The following RASEF variants were observed in gnomAD, a reference collection of about 807,000 sequenced individuals.
RASEF encodes RAS and EF-hand domain containing.
In RASEF, 68 loss-of-function variants were observed where a neutral mutation model predicts 90.1. The ratio of observed to expected loss-of-function variants is 0.75; its 90% CI spans 0.62 to 0.92. The LOEUF is 0.92. Ranked by LOEUF, RASEF falls within the 40% of genes least tolerant of loss-of-function variation. RASEF has a pLI of 0.00. For synonymous variants in RASEF, 331 were observed against 345.2 expected (o/e 0.96, Z 0.46); for missense variants, 949 against 937.2 (o/e 1.01, Z -0.16).
At chr9:83,142,901 C>T in the RASEF span, among the ~76,000 whole-genome samples, 3 of 151,538 alleles carry the variant, frequency 2.0e-5, no homozygotes, top group Non-Finnish European at 4.4e-5. Flanking sequence ...AATTATAAAA[C>T]AGAACAAGAT....
At chr9:83,181,469 T>G in the RASEF span, among the ~76,000 whole-genome samples, 1 of 152,194 alleles carries the variant, frequency 6.6e-6, no homozygotes, top group Non-Finnish European at 1.5e-5. Context: ...CTAAGAGTCA[T>G]GGGATGCGAT....
chr9:83,175,327 C>A, the RASEF span, among the ~76,000 whole-genome samples: 1 of 152,066 alleles, frequency 6.6e-6, no homozygotes, highest in African/African-American at 2.4e-5. Flanking sequence ...TGTCATTGGA[C>A]TTTATCAGTT....
intron 3 of RASEF, among the ~76,000 whole-genome samples, chr9:83,018,565 C>CT (rs1006170126): frequency 2.8e-4 from 42 of 150,564 alleles, no homozygotes; most frequent in Middle Eastern, 3.4e-3. Flanking sequence ...TTTTTGTTTG[C>CT]TTTTTTTTTT....
At chr9:83,092,952 G>A in the RASEF span, among the ~76,000 whole-genome samples, 2 of 152,108 alleles carry the variant, frequency 1.3e-5, no homozygotes, top group African/African-American at 4.8e-5. Flanking sequence ...GACACAGGGT[G>A]CTGATTGGTG....
chr9:83,085,333 T>TGA, the RASEF span, among the ~76,000 whole-genome samples: 1 of 152,134 alleles, frequency 6.6e-6, no homozygotes, highest in Non-Finnish European at 1.5e-5. Context: ...CATTCAAGCA[T>TGA]TATAAAAAAG....
chr9:83,075,652 C>T, the RASEF span, among the ~76,000 whole-genome samples: 2 of 152,088 alleles, frequency 1.3e-5, no homozygotes, highest in Admixed American at 1.3e-4. Flanking sequence ...TATTTTAGCT[C>T]TAGGGGATGT....
the RASEF span, among the ~76,000 whole-genome samples, chr9:83,125,411 T>C: frequency 6.6e-6 from 1 of 152,188 alleles, no homozygotes; most frequent in Admixed American, 6.5e-5. Context: ...CTTAATATAA[T>C]AAATTTGTGT....
intron 2 of RASEF, among the ~76,000 whole-genome samples, chr9:83,024,763 G>A (rs62561899): frequency 0.04 from 6,152 of 152,246 alleles, 151 homozygotes; most frequent in Middle Eastern, 0.071. Flanking sequence ...TTTCTACATC[G>A]TAATGAACCA....
Position 83,019,674 on chromosome 9 carries a change from T to A in RASEF, c.669+2662A>T, listed in dbSNP as rs72740862. 4.0e-3 allele frequency among the ~76,000 whole-genome samples: 602 copies of A among 152,306 alleles called. 4 individuals are homozygous for A. The Middle Eastern group carries it at 0.048, about 12-fold the overall frequency. ...GCAATAGCCAACAACTGGAAATAACTCAAATGTCCTTCTACAGATGAATGG... is the reference window on the plus strand; with the variant it reads ...GCAATAGCCAACAACTGGAAATAACACAAATGTCCTTCTACAGATGAATGG... On this transcript the variant is annotated intron_variant, in intron 3 of 16. Coordinates refer to ENST00000376447, the MANE Select transcript of RASEF (RefSeq NM_152573.4).
At chr9:83,157,458 C>A in the RASEF span, among the ~76,000 whole-genome samples, 3 of 152,168 alleles carry the variant, frequency 2.0e-5, no homozygotes, top group African/African-American at 7.2e-5. Context: ...CTTGTTCTTG[C>A]CTTCTTGCCA....
chr9:83,210,646 T>C, the RASEF span, among the ~76,000 whole-genome samples: 1 of 152,260 alleles, frequency 6.6e-6, no homozygotes, highest in Non-Finnish European at 1.5e-5. Context: ...GAAACTATCA[T>C]GTATTGCTTC....
the RASEF span, among the ~76,000 whole-genome samples, chr9:83,076,536 G>A: frequency 6.6e-6 from 1 of 151,262 alleles, no homozygotes; most frequent in Non-Finnish European, 1.5e-5. Context: ...GATTTTTAAA[G>A]ATAAGGTAGA....
chr9:83,151,922 G>T, the RASEF span, among the ~76,000 whole-genome samples: 1 of 152,124 alleles, frequency 6.6e-6, no homozygotes, highest in Non-Finnish European at 1.5e-5. Context: ...CCAGAAGGCT[G>T]CCAGAGATGT....
At chr9:83,023,699 G>C (rs1350368218) in intron 2 of RASEF, among the ~76,000 whole-genome samples, 1 of 152,174 alleles carries the variant, frequency 6.6e-6, no homozygotes, top group Non-Finnish European at 1.5e-5. Flanking sequence ...GCTATTTGAA[G>C]TCTAGAAACT....
chr9:83,049,218 G>A (rs1027601809), intron 1 of RASEF: 1 of 624,564 alleles, frequency 1.6e-6, no homozygotes, highest in South Asian at 7.1e-5. Flanking sequence ...ACATAAATCA[G>A]ATATAAACTT....
At chr9:83,207,884 G>A in the RASEF span, among the ~76,000 whole-genome samples, 1 of 152,080 alleles carries the variant, frequency 6.6e-6, no homozygotes, top group African/African-American at 2.4e-5. Flanking sequence ...GGGATTATAG[G>A]CATGAACCAC....
chr9:83,113,323 C>T, the RASEF span, among the ~76,000 whole-genome samples: 22 of 152,168 alleles, frequency 1.4e-4, no homozygotes, highest in Non-Finnish European at 2.8e-4. Context: ...CTCTTAATCA[C>T]GTTATCTTCA....
the RASEF span, among the ~76,000 whole-genome samples, chr9:83,188,284 T>C: frequency 6.6e-6 from 1 of 152,310 alleles, no homozygotes; most frequent in South Asian, 2.1e-4. Flanking sequence ...GAAGGTGTAA[T>C]GGACTTGCCC....
At chr9:83,068,305 C>G in the RASEF span, among the ~76,000 whole-genome samples, 701 of 152,354 alleles carry the variant, frequency 4.6e-3, 10 homozygotes, top group African/African-American at 0.016. Flanking sequence ...CTGGTTCCCA[C>G]CCCTTGGTGT....
Sources: gnomAD v4.1 joint callset for allele counts (sites outside exome capture counted in the v4.1 genomes callset) on GRCh38, gnomAD v4.1.1 for gene constraint, MANE v1.5 for transcripts, NCBI Gene and HGNC (gene_info 2026-07-23, HGNC 2026-07-21) for gene names.